The following DENND4A variants were observed in gnomAD, a reference collection of about 807,000 sequenced individuals.
DENND4A encodes DENN domain containing 4A, also known as C-myc promoter-binding protein.
DENND4A carries 70 observed loss-of-function variants against 199.3 expected under a neutral mutation model. That is an observed-to-expected ratio of 0.35 (90% CI 0.29 to 0.43). The LOEUF (loss-of-function observed/expected upper bound fraction) is 0.43, where lower values mean the gene tolerates loss of function less well. Among genes scored for constraint, DENND4A ranks in the 20% least tolerant of loss-of-function variants. The pLI, the probability that DENND4A is intolerant of heterozygous loss-of-function variation, is 1.00. For synonymous variants in DENND4A, 686 were observed against 766.9 expected (o/e 0.89, Z 1.74); for missense variants, 1,723 against 2,255.8 (o/e 0.76, Z 4.78).
chr15:65,701,888 T>C lies in DENND4A; in HGVS notation c.2433A>G (p.Val811=). The change falls in exon 18 of 33, where the codon GTA becomes GTG. Residue 811 remains valine (V), a splice_region_variant and synonymous_variant. Transcript: ENST00000443035. ...QSKKMDPPDE[V]CYRILMQLCG... ...AGAGTTGCATAAGAATGCGGTAGCA[T>C]ACCTGAAATACAAGTTCAAAATTGT... The C allele has an allele frequency of 6.2e-7, 1 of 1,613,726 alleles. No individual in the cohort carries two copies. The highest frequency in any genetic ancestry group is 8.5e-7 in the Non-Finnish European group (1 of 1,179,752).
chr15:65,709,741 T>TATATATATAA lies in DENND4A; in HGVS notation c.1954-3518_1954-3517insTTATATATAT, dbSNP rs1277597776. On this transcript the variant is annotated intron_variant, in intron 14 of 32. Transcript: ENST00000443035. ...AAAAATATATATATATATATATATATAATCTCGTGACACTTTATTTTCTCT... is the reference window on the plus strand; with the variant it reads ...AAAAATATATATATATATATATATATATATATATAAAATCTCGTGACACTTTATTTTCTCT... Among the ~76,000 whole-genome samples, 3 of 132,250 alleles carry TATATATATAA rather than the reference T, an allele frequency of 2.3e-5. No individual in the cohort carries two copies. The Admixed American group carries it at 2.4e-4, about 11-fold the overall frequency. The allele number at this position is 132,250 out of a possible 152,430, so 86.8% of individuals were successfully genotyped here.
At chr15:65,749,404 T>C (rs1170895340) in intron 4 of DENND4A, among the ~76,000 whole-genome samples, 2 of 152,206 alleles carry the variant, frequency 1.3e-5, no homozygotes, top group Non-Finnish European at 1.5e-5. Flanking sequence ...AGTTATTGAA[T>C]GTGAAATACT....
chr15:65,698,839 G>A (rs1183301728), intron 20 of DENND4A, among the ~76,000 whole-genome samples: 1 of 140,560 alleles, frequency 7.1e-6, no homozygotes, highest in East Asian at 2.3e-4. Context: ...CTGGGTTCAA[G>A]CAATTCTCGT....
intron 14 of DENND4A, among the ~76,000 whole-genome samples, chr15:65,713,143 C>G (rs1596498305): frequency 6.6e-6 from 1 of 152,264 alleles, no homozygotes; most frequent in East Asian, 1.9e-4. Context: ...GTCGATTAAC[C>G]TAATAATGTT....
intron 32 of DENND4A, among the ~76,000 whole-genome samples, chr15:65,664,043 C>T (rs2075960856): frequency 6.6e-6 from 1 of 152,156 alleles, no homozygotes; most frequent in Admixed American, 6.5e-5. Flanking sequence ...ATACAATTCA[C>T]TAACTTAAAG....
chr15:65,750,253 T>C (rs1019070471), intron 4 of DENND4A, among the ~76,000 whole-genome samples: 3 of 152,128 alleles, frequency 2.0e-5, no homozygotes, highest in Non-Finnish European at 2.9e-5. Context: ...AATACTGCAT[T>C]TTCTCGCTTA....
chr15:65,693,028 C>T (rs2077024764), intron 22 of DENND4A, among the ~76,000 whole-genome samples: 1 of 152,126 alleles, frequency 6.6e-6, no homozygotes, highest in Non-Finnish European at 1.5e-5. Context: ...AACAGAGATT[C>T]TATGTGCCCT....
chr15:65,716,291 A>C (rs1446913599), intron 13 of DENND4A, among the ~76,000 whole-genome samples: 1 of 151,370 alleles, frequency 6.6e-6, no homozygotes, highest in Non-Finnish European at 1.5e-5. Context: ...CATGTGCACA[A>C]TGTGCAGGTT....
chr15:65,727,081 AG>A (rs577928615), intron 11 of DENND4A, among the ~76,000 whole-genome samples: 173 of 152,212 alleles, frequency 1.1e-3, no homozygotes, highest in African/African-American at 4.0e-3. Context: ...TGAGATGCCA[AG>A]GGGGGAGGAT....
chr15:65,682,530 T>C (rs2141993223), intron 23 of DENND4A, among the ~76,000 whole-genome samples: 1 of 152,362 alleles, frequency 6.6e-6, no homozygotes, highest in Middle Eastern at 3.4e-3. Flanking sequence ...GTGGCTGATG[T>C]GATCTATCCA....
intron 1 of DENND4A, among the ~76,000 whole-genome samples, chr15:65,784,919 G>A (rs1020227340): frequency 2.0e-5 from 3 of 151,804 alleles, no homozygotes; most frequent in African/African-American, 4.8e-5. Flanking sequence ...AGCCTGAGGC[G>A]GGCAGATCAC....
chr15:65,702,800 T>A, intron 16 of DENND4A, 73 bp downstream of exon 16: 1 of 1,373,266 alleles, frequency 7.3e-7, no homozygotes, highest in East Asian at 2.3e-5. Context: ...TGATAAAGCA[T>A]ATTACGGGAG....
chr15:65,778,083 A>C (rs2077330686), intron 1 of DENND4A, among the ~76,000 whole-genome samples: 1 of 152,160 alleles, frequency 6.6e-6, no homozygotes, highest in African/African-American at 2.4e-5. Context: ...TCAGCACAAT[A>C]AAATGAAAAA....
At chr15:65,671,463 C>T (rs2076215745) in intron 25 of DENND4A, among the ~76,000 whole-genome samples, 1 of 152,168 alleles carries the variant, frequency 6.6e-6, no homozygotes, top group Non-Finnish European at 1.5e-5. Context: ...GATCTCGGCT[C>T]ACTGCAATCT....
In DENND4A at chr15:65,659,321, G is replaced by GCT. The variant is rs1491492345; in HGVS notation, c.*2529_*2530insAG. The GCT allele has an allele frequency of 1.5e-5, 1 of 66,668 alleles. No individual in the cohort carries two copies. The highest frequency in any genetic ancestry group is 3.0e-5 in the Non-Finnish European group (1 of 33,648). The allele number at this position is 66,668 out of a possible 1,614,324, so 4.1% of individuals were successfully genotyped here. A position where few individuals can be genotyped will look rare whatever the true frequency, so the allele number is the denominator to read the frequency against. ...TTATTTTAAATGATTGATATTTTCT[G>GCT]GTTTTTTTTTTTTTTTTTTTTTTTT... On this transcript the variant is annotated 3_prime_UTR_variant, in exon 33 of 33. Coordinates refer to ENST00000443035, the MANE Select transcript of DENND4A (RefSeq NM_001320835.1).
intron 14 of DENND4A, among the ~76,000 whole-genome samples, chr15:65,708,358 C>G (rs1263470702): frequency 6.6e-6 from 1 of 152,060 alleles, no homozygotes. Context: ...CAGCTTCTCC[C>G]TCTCCATATT....
intron 3 of DENND4A, 88 bp from the exon 4 acceptor site, chr15:65,752,716 G>A (rs2076600743): frequency 6.2e-6 from 5 of 801,750 alleles, no homozygotes; most frequent in Non-Finnish European, 9.4e-6. Context: ...ATCCTTAAAT[G>A]TAGTAGCATG....
chr15:65,768,709 G>A (rs759020744), intron 1 of DENND4A, among the ~76,000 whole-genome samples: 6 of 151,914 alleles, frequency 3.9e-5, no homozygotes, highest in African/African-American at 9.7e-5. Context: ...TTTGCCAGGC[G>A]CGGTGGCTCA....
intron 23 of DENND4A, chr15:65,680,983 G>A (rs1386234465): frequency 6.6e-6 from 1 of 152,196 alleles, no homozygotes; most frequent in African/African-American, 2.4e-5. Flanking sequence ...GCTGCTGAAG[G>A]TTGAGTGGCT....
Sources: allele counts gnomAD v4.1 joint callset (sites outside exome capture counted in the v4.1 genomes callset), GRCh38; gene constraint gnomAD v4.1.1; transcripts MANE v1.5; gene names NCBI Gene and HGNC (gene_info 2026-07-23, HGNC 2026-07-21).